SNRPD2: variants seen among roughly 807,000 people sequenced by gnomAD.
SNRPD2 encodes the protein small nuclear ribonucleoprotein D2 polypeptide.
A neutral mutation model predicts 11.5 loss-of-function variants in SNRPD2; 1 was observed. That is an observed-to-expected ratio of 0.09 (90% CI 0.03 to 0.41). The LOEUF is 0.41. Among genes scored for constraint, SNRPD2 ranks in the 10% least tolerant of loss-of-function variants. SNRPD2 has a pLI of 0.98. For missense variants in SNRPD2, 77 were observed against 154.9 expected, an observed-to-expected ratio of 0.50 and a Z score of 2.67; for synonymous variants, 63 against 61.5, an observed-to-expected ratio of 1.02 and a Z score of -0.12.
intron 1 of SNRPD2, chr19:45,690,484 CAAACAAACA>C (rs932974774): frequency 2.2e-4 from 31 of 140,936 alleles, no homozygotes; most frequent in African/African-American, 6.9e-4. Flanking sequence ...GACTCCATCT[CAAACAAACA>C]AAACAAAAGA....
At chr19:45,689,996 C>G (rs1353019579) in intron 1 of SNRPD2, among the ~76,000 whole-genome samples, 1 of 150,838 alleles carries the variant, frequency 6.6e-6, no homozygotes, top group Non-Finnish European at 1.5e-5. Flanking sequence ...AAGATTGCGC[C>G]ACTGCACTCC....
At position 45,691,893 on chromosome 19, in the gene SNRPD2, G is replaced by A. The variant is rs746449799; in HGVS notation, c.-5C>T. On this transcript the variant is annotated 5_prime_UTR_variant, in exon 1 of 3. Transcript: ENST00000342669. ...AAGCCTAGCCCGGCCTCACATGATG[G>A]TCACTACGCTCTCCGTTCACTCCCG... 17 of 1,613,990 alleles carry A rather than the reference G, an allele frequency of 1.1e-5. No individual in the cohort carries two copies. Among genetic ancestry groups the A allele is most frequent in the African/African-American group, 4.0e-5 (3 of 74,910 alleles).
chr19:45,688,277 C>T lies in SNRPD2; in HGVS notation c.182+110G>A. On this transcript the variant is annotated intron_variant, in intron 2 of 2. Coordinates refer to ENST00000342669, the MANE Select transcript of SNRPD2 (RefSeq NM_001384647.1). The surrounding 1 kb of genome is among the most constrained non-coding windows in gnomAD (Gnocchi z 4.1). ...GGATTACAGGCATGAGCCACCACGC[C>T]TGGCCATACACCCCAGGCTTCTGAG... is the stretch of plus-strand genomic sequence containing the variant. 2 of 933,660 alleles carry T rather than the reference C, an allele frequency of 2.1e-6. No individual in the cohort carries two copies. Among genetic ancestry groups the T allele is most frequent in the South Asian group, 3.2e-5 (2 of 62,654 alleles). The allele number at this position is 933,660 out of a possible 1,614,324, so 57.8% of individuals were successfully genotyped here. A position where few individuals can be genotyped will look rare whatever the true frequency, so the allele number is the denominator to read the frequency against.
chr19:45,690,148 G>A (rs1377784333), intron 1 of SNRPD2, among the ~76,000 whole-genome samples: 2 of 151,178 alleles, frequency 1.3e-5, no homozygotes, highest in African/African-American at 4.9e-5. Flanking sequence ...TGGCTAACAC[G>A]GTGAAACCCC....
At chr19:45,689,572 G>A (rs559054052) in intron 1 of SNRPD2, among the ~76,000 whole-genome samples, 3 of 152,250 alleles carry the variant, frequency 2.0e-5, no homozygotes, top group East Asian at 1.9e-4. Flanking sequence ...TTAGCCAGGC[G>A]TGGTGGTGCA....
rs199712035 is a variant in SNRPD2 at position 45,687,556 on chromosome 19, C to G, written c.354G>C (p.Lys118Asn). The G allele has an allele frequency of 1.9e-6, 3 of 1,614,080 alleles. No homozygotes were observed. The highest frequency in any genetic ancestry group is 2.5e-6 in the Non-Finnish European group (3 of 1,179,924). ...VVLRNPLIAG[K>N] ...TCTGTCAACAGACAGGCGGCCCCTA[C>G]TTGCCGGCGATGAGCGGGTTCCGCA... Residue 118 changes from lysine (K) to asparagine (N), a missense_variant, in exon 3 of 3, where the codon AAG (lysine) becomes AAC (asparagine). Transcript: ENST00000342669. The surrounding 1 kb of genome is among the most constrained non-coding windows in gnomAD (Gnocchi z 4.1).
At position 45,687,743 on chromosome 19, in the gene SNRPD2, G is replaced by GA. The variant is rs746399147; in HGVS notation, c.183-17dup. 26 of 1,610,822 alleles carry GA rather than the reference G, an allele frequency of 1.6e-5. 1 individual carries two copies. The South Asian group carries it at 2.9e-4, about 18-fold the overall frequency. ...GTTGCAGTGCCTGGTGGGGAACAGGGAGGGGAGGCACTGGGCGTGAGGGGC... is the reference window on the plus strand; with the variant it reads ...GTTGCAGTGCCTGGTGGGGAACAGGGAAGGGGAGGCACTGGGCGTGAGGGGC... On this transcript the variant is annotated splice_polypyrimidine_tract_variant and intron_variant, in intron 2 of 2. Transcript: ENST00000342669. The surrounding 1 kb of genome is among the most constrained non-coding windows in gnomAD (Gnocchi z 4.1).
intron 1 of SNRPD2, among the ~76,000 whole-genome samples, chr19:45,689,585 C>T (rs1020086943): frequency 2.6e-5 from 4 of 152,120 alleles, no homozygotes; most frequent in African/African-American, 9.7e-5. Flanking sequence ...GTGGTGCACG[C>T]CTGTAATCTC....
rs759288 is a variant in SNRPD2 at position 45,687,957 on chromosome 19, C to G, written c.183-230G>C. On this transcript the variant is annotated intron_variant, in intron 2 of 2. Transcript: ENST00000342669. The surrounding 1 kb of genome is among the most constrained non-coding windows in gnomAD (Gnocchi z 4.1). ...GCTCCTTTTTAAGAGGGAAGATAAT[C>G]ACGTTACCTTCCTCACAGGGCCATT... Among the ~76,000 whole-genome samples the G allele has an allele frequency of 0.24, 36,443 of 152,140 alleles. 4,635 individuals are homozygous for G. The highest frequency in any genetic ancestry group is 0.41 in the East Asian group (2,109 of 5,162).
intron 1 of SNRPD2, among the ~76,000 whole-genome samples, chr19:45,689,790 T>G (rs1600331210): frequency 6.6e-6 from 1 of 151,872 alleles, no homozygotes; most frequent in Non-Finnish European, 1.5e-5. Context: ...TCCCAGCACT[T>G]TGGGAGGCCG....
At chr19:45,691,367 G>T (rs1034254945) in intron 1 of SNRPD2, 3 of 154,828 alleles carry the variant, frequency 1.9e-5, no homozygotes, top group Non-Finnish European at 4.3e-5. Context: ...CTGACCTCAG[G>T]TGATCCGCCC....
chr19:45,692,132 A>C, upstream of SNRPD2: 1 of 925,512 alleles, frequency 1.1e-6, no homozygotes. Flanking sequence ...GTTTATGACA[A>C]TGAAGACAAA....
At chr19:45,689,335 G>T (rs762896992) in intron 1 of SNRPD2, 17 of 516,534 alleles carry the variant, frequency 3.3e-5, no homozygotes, top group South Asian at 2.4e-4. Flanking sequence ...GTCTGAGGGG[G>T]TTGTGCTAAA....
chr19:45,687,991 T>C lies in SNRPD2; in HGVS notation c.183-264A>G, dbSNP rs888954878. 1.2e-4 allele frequency among the ~76,000 whole-genome samples: 18 copies of C among 152,296 alleles called. No homozygotes were observed. The highest frequency in any genetic ancestry group is 2.9e-4 in the African/African-American group (12 of 41,558). ...TTCCTCACAGGGCCATTGAAAATTA[T>C]CATTTTCTTTTTTGAGACAGAATCT... On this transcript the variant is annotated intron_variant, in intron 2 of 2. Transcript: ENST00000342669. The surrounding 1 kb of genome is among the most constrained non-coding windows in gnomAD (Gnocchi z 4.1).
At chr19:45,689,172 C>T (rs1053747995) in intron 1 of SNRPD2, 7 of 519,858 alleles carry the variant, frequency 1.3e-5, no homozygotes, top group African/African-American at 3.8e-5. Context: ...CTTTTGTCAA[C>T]TTGATTCCTC....
Position 45,688,429 on chromosome 19 carries a change from C to G in SNRPD2, c.140G>C (p.Arg47Pro). ...GCGGCCCAGGAGTTTCTTATTGTTG[C>G]GGCAGTTGATGAGCACTTGGGTATT... ...KNNTQVLINC[R>P]NNKKLLGRVK... Residue 47 changes from arginine to proline, a missense_variant, in exon 2 of 3, where the codon CGC (arginine) becomes CCC (proline). Coordinates refer to ENST00000342669, the MANE Select transcript of SNRPD2 (RefSeq NM_001384647.1). This position sits in a 1 kb window ranked among gnomAD's most constrained non-coding sequence, Gnocchi z 4.1. The G allele has an allele frequency of 6.2e-7, 1 of 1,614,186 alleles. No homozygotes were observed.
chr19:45,691,828 A>G (rs986801377), intron 1 of SNRPD2, 59 bp downstream of exon 1: 16 of 1,607,518 alleles, frequency 1.0e-5, no homozygotes, highest in Non-Finnish European at 1.4e-5. Flanking sequence ...CCCACACTCA[A>G]TCGGTCAAAT....
intron 1 of SNRPD2, 49 bp downstream of exon 1, chr19:45,691,838 T>C (rs768998827): frequency 1.2e-6 from 2 of 1,608,450 alleles, no homozygotes; most frequent in South Asian, 2.2e-5. Context: ...ATCGGTCAAA[T>C]ATCCACCCTC....
In SNRPD2 at chr19:45,691,948, A is replaced by C. The variant is rs886789637; in HGVS notation, c.-60T>G. ...CTCCGCGTTGCTGCTGCCTGAGGAG[A>C]GAGAGGCGGGACTTCCTCTTCCTGC... On this transcript the variant is annotated 5_prime_UTR_variant, in exon 1 of 3. Transcript: ENST00000342669. The C allele has an allele frequency of 8.1e-6, 13 of 1,612,990 alleles. No individual in the cohort carries two copies. The Admixed American group carries it at 1.3e-4, about 17-fold the overall frequency.
Sources: allele counts gnomAD v4.1 joint callset (sites outside exome capture counted in the v4.1 genomes callset), GRCh38; gene constraint gnomAD v4.1.1; non-coding constraint Gnocchi (gnomAD v3.1); transcripts MANE v1.5; gene names NCBI Gene and HGNC (gene_info 2026-07-23, HGNC 2026-07-21).